Variants in FOXN2 observed in about 807,000 individuals in gnomAD.
FOXN2 encodes the protein forkhead box N2, also known as forkhead box protein N2.
In FOXN2, 19 loss-of-function variants were observed where a neutral mutation model predicts 41.2. The observed-to-expected ratio is 0.46, with a 90% CI of 0.32 to 0.68. The LOEUF is 0.68. FOXN2 is among the 30% of genes least tolerant of loss of function. FOXN2 has a pLI of 0.03. For missense variants in FOXN2, 587 were observed against 509.4 expected (o/e 1.15, Z -1.47); for synonymous variants, 195 against 176.8 (o/e 1.10, Z -0.82).
At chr2:48,365,928 G>C (rs1482133479) in intron 5 of FOXN2, among the ~76,000 whole-genome samples, 1 of 152,146 alleles carries the variant, frequency 6.6e-6, no homozygotes, top group African/African-American at 2.4e-5. Context: ...TATTTCTAGA[G>C]AGAAGTTTAA....
intron 2 of FOXN2, among the ~76,000 whole-genome samples, chr2:48,339,062 A>C (rs1419587376): frequency 6.6e-6 from 1 of 152,208 alleles, no homozygotes; most frequent in Admixed American, 6.5e-5. Context: ...TCCAAATGGC[A>C]TATGTATAGA....
At chr2:48,351,655 A>G (rs1024484891) in intron 3 of FOXN2, among the ~76,000 whole-genome samples, 8 of 152,158 alleles carry the variant, frequency 5.3e-5, no homozygotes, top group African/African-American at 9.6e-5. Context: ...ACAGTTCACA[A>G]TAGGGTTTGA....
At chr2:48,356,325 C>T (rs190969621) in intron 3 of FOXN2, among the ~76,000 whole-genome samples, 2 of 151,956 alleles carry the variant, frequency 1.3e-5, no homozygotes, top group East Asian at 3.9e-4. Context: ...CCTGTAATCC[C>T]AGCTACTTGG....
intron 5 of FOXN2, among the ~76,000 whole-genome samples, chr2:48,367,199 G>A (rs896850385): frequency 2.0e-4 from 30 of 152,222 alleles, no homozygotes; most frequent in African/African-American, 7.0e-4. Flanking sequence ...ATAGCAGAAC[G>A]AAATTTTTTT....
rs559466284 is a variant in FOXN2 at position 48,377,697 on chromosome 2, A to T, written c.*2254A>T. On this transcript the variant is annotated 3_prime_UTR_variant, in exon 7 of 7. Transcript: ENST00000340553. ...AGGATGATAAACACTTGTGCACTGAAAGCTAACAGGGAGAGGTTACACAAT... is the reference window on the plus strand; with the variant it reads ...AGGATGATAAACACTTGTGCACTGATAGCTAACAGGGAGAGGTTACACAAT... 1 of 152,192 alleles carries T rather than the reference A, an allele frequency of 6.6e-6. No homozygotes were observed. Among genetic ancestry groups the T allele is most frequent in the Admixed American group, 6.5e-5 (1 of 15,280 alleles). 9.4% of individuals were successfully genotyped at this position (152,192 alleles called of 1,614,324 possible).
At chr2:48,314,912 C>A (rs1270413247) in intron 1 of FOXN2, 98 bp downstream of exon 1, 1 of 151,878 alleles carries the variant, frequency 6.6e-6, no homozygotes, top group South Asian at 2.1e-4. Context: ...GCGACCCGCG[C>A]CAGGCGTGGG....
chr2:48,377,952 C>G lies in FOXN2; in HGVS notation c.*2509C>G, dbSNP rs905982960. ...TGGAAATTGTATTCCCTATAATATACAAATTTTCCTGTAATAAAGTCAACT... is the reference window on the plus strand; with the variant it reads ...TGGAAATTGTATTCCCTATAATATAGAAATTTTCCTGTAATAAAGTCAACT... On this transcript the variant is annotated 3_prime_UTR_variant, in exon 7 of 7. Coordinates refer to ENST00000340553, the MANE Select transcript of FOXN2 (RefSeq NM_002158.4). 2 of 151,972 alleles carry G rather than the reference C, an allele frequency of 1.3e-5. No individual in the cohort carries two copies. Among genetic ancestry groups the G allele is most frequent in the Non-Finnish European group, 2.9e-5 (2 of 67,888 alleles). 9.4% of individuals were successfully genotyped at this position (151,972 alleles called of 1,614,324 possible).
Position 48,375,474 on chromosome 2 carries a change from C to T in FOXN2, c.*31C>T. Reference sequence around the variant, plus strand: ...CTTAAAGTGTGGCAATACTCTTTCACTTAATTCTTTACAAGGGATATCAAA... The same window carrying T: ...CTTAAAGTGTGGCAATACTCTTTCATTTAATTCTTTACAAGGGATATCAAA... On this transcript the variant is annotated 3_prime_UTR_variant, in exon 7 of 7. Coordinates refer to ENST00000340553, the MANE Select transcript of FOXN2 (RefSeq NM_002158.4). The T allele has an allele frequency of 6.4e-7, 1 of 1,553,474 alleles. No individual in the cohort carries two copies. The highest frequency in any genetic ancestry group is 8.7e-7 in the Non-Finnish European group (1 of 1,150,728).
chr2:48,329,277 C>G (rs1205144246), intron 2 of FOXN2, among the ~76,000 whole-genome samples: 1 of 152,124 alleles, frequency 6.6e-6, no homozygotes, highest in Admixed American at 6.5e-5. Flanking sequence ...GAAGTAGCAT[C>G]TAAACACATG....
intron 2 of FOXN2, among the ~76,000 whole-genome samples, chr2:48,330,149 T>C (rs890312171): frequency 6.6e-6 from 1 of 152,144 alleles, no homozygotes; most frequent in South Asian, 2.1e-4. Context: ...TGCTAAAATA[T>C]ATTATGTCAT....
Position 48,375,626 on chromosome 2 carries a change from C to G in FOXN2, c.*183C>G. On this transcript the variant is annotated 3_prime_UTR_variant, in exon 7 of 7. Coordinates refer to ENST00000340553, the MANE Select transcript of FOXN2 (RefSeq NM_002158.4). ...AATTGCTGTTAGGATCATGCCTGAT[C>G]AGAAATACATGATGTGAAGTCCTAA... 2 of 570,006 alleles carry G rather than the reference C, an allele frequency of 3.5e-6. No homozygotes were observed. Among genetic ancestry groups the G allele is most frequent in the East Asian group, 5.8e-5 (2 of 34,480 alleles). The allele number at this position is 570,006 out of a possible 1,614,324, so 35.3% of individuals were successfully genotyped here. A position where few individuals can be genotyped will look rare whatever the true frequency, so the allele number is the denominator to read the frequency against.
intron 3 of FOXN2, among the ~76,000 whole-genome samples, chr2:48,355,335 A>G (rs1175087688): frequency 1.3e-5 from 2 of 152,198 alleles, no homozygotes; most frequent in Non-Finnish European, 2.9e-5. Flanking sequence ...GTAGAATTTG[A>G]TAACGAAAAG....
intron 3 of FOXN2, among the ~76,000 whole-genome samples, chr2:48,347,924 T>C (rs1671219962): frequency 6.6e-6 from 1 of 152,200 alleles, no homozygotes; most frequent in Non-Finnish European, 1.5e-5. Context: ...AGAAGTCTGC[T>C]GTCATTATTC....
chr2:48,346,344 G>T lies in FOXN2; in HGVS notation c.130G>T (p.Ala44Ser), dbSNP rs1005560607. ...AGCTGTTGATGCTGCCAGGCCGAAG[G>T]CCACTCTAGTGGACAGTGAGTCAGC... ...PEAVDAARPK[A>S]TLVDSESADD... Residue 44 changes from alanine (A) to serine (S), a missense_variant, in exon 3 of 7, where the codon GCC becomes TCC. Ala to Ser is a moderately conservative substitution (Grantham distance 99). Transcript: ENST00000340553. The T allele has an allele frequency of 6.2e-7, 1 of 1,614,106 alleles. No individual in the cohort carries two copies. Among genetic ancestry groups the T allele is most frequent in the South Asian group, 1.1e-5 (1 of 91,088 alleles).
At chr2:48,364,427 T>G (rs1248743114) in intron 5 of FOXN2, among the ~76,000 whole-genome samples, 14 of 152,050 alleles carry the variant, frequency 9.2e-5, no homozygotes, top group Admixed American at 9.2e-4. Flanking sequence ...TCCTTTGGGG[T>G]TTTTTTAATG....
intron 1 of FOXN2, among the ~76,000 whole-genome samples, chr2:48,317,054 A>G (rs923620190): frequency 6.6e-6 from 1 of 152,200 alleles, no homozygotes; most frequent in Non-Finnish European, 1.5e-5. Context: ...TAGTTGAGAA[A>G]GAAAAGTAAA....
At chr2:48,363,663 T>C (rs1672345624) in intron 5 of FOXN2, among the ~76,000 whole-genome samples, 1 of 152,214 alleles carries the variant, frequency 6.6e-6, no homozygotes, top group Non-Finnish European at 1.5e-5. Flanking sequence ...CCTTTTTTGT[T>C]CCCTGGCAGA....
intron 3 of FOXN2, among the ~76,000 whole-genome samples, chr2:48,357,968 ATTTC>A (rs1671916614): frequency 6.6e-6 from 1 of 151,718 alleles, no homozygotes; most frequent in South Asian, 2.1e-4. Context: ...AATCCAGTGC[ATTTC>A]TTTCTTTATG....
chr2:48,361,776 T>C (rs1249522198), intron 4 of FOXN2, among the ~76,000 whole-genome samples: 1 of 152,168 alleles, frequency 6.6e-6, no homozygotes, highest in African/African-American at 2.4e-5. Flanking sequence ...TTTTAATTCC[T>C]GGATTAAAAA....
Sources: gnomAD v4.1 joint callset for allele counts (sites outside exome capture counted in the v4.1 genomes callset) on GRCh38, gnomAD v4.1.1 for gene constraint, MANE v1.5 for transcripts, NCBI Gene and HGNC (gene_info 2026-07-23, HGNC 2026-07-21) for gene names.